Variants in RGS6 observed in about 807,000 individuals in gnomAD.
RGS6 encodes the protein regulator of G protein signaling 6, also known as regulator of G-protein signaling 6.
Under a neutral mutation model 78.5 loss-of-function variants are expected in RGS6, and 30 were observed. That is an observed-to-expected ratio of 0.38 (90% confidence interval 0.29 to 0.52). The LOEUF is 0.52. Ranked by LOEUF, RGS6 falls within the 20% of genes least tolerant of loss-of-function variation. The pLI, the probability that RGS6 is intolerant of heterozygous loss-of-function variation, is 0.85. For synonymous variants in RGS6, 206 were observed against 206.0 expected, an observed-to-expected ratio of 1.00 and a Z score of 0.00; for missense variants, 495 against 609.7, an observed-to-expected ratio of 0.81 and a Z score of 1.98.
chr14:72,576,139 C>T, the RGS6 span, among the ~76,000 whole-genome samples: 2 of 152,232 alleles, frequency 1.3e-5, no homozygotes, highest in Non-Finnish European at 2.9e-5. Flanking sequence ...TTGAGGAAAG[C>T]TCTCTTGTCA....
intron 2 of RGS6, among the ~76,000 whole-genome samples, chr14:72,322,726 A>G (rs1397421071): frequency 6.6e-6 from 1 of 152,150 alleles, no homozygotes; most frequent in Non-Finnish European, 1.5e-5. Context: ...TAAAAAAGTA[A>G]GACTATTTCA....
At chr14:72,386,113 T>C (rs1255994962) in intron 3 of RGS6, among the ~76,000 whole-genome samples, 2 of 152,172 alleles carry the variant, frequency 1.3e-5, no homozygotes, top group African/African-American at 4.8e-5. Context: ...CCCAGTGTCA[T>C]GGGCAGCAAA....
At chr14:72,075,306 GTTTCCTTA>G (rs2094537353) in intron 2 of RGS6, among the ~76,000 whole-genome samples, 1 of 152,080 alleles carries the variant, frequency 6.6e-6, no homozygotes, top group Admixed American at 6.5e-5. Flanking sequence ...TGAAGACTCG[GTTTCCTTA>G]TTTCCTATAT....
At chr14:72,314,153 G>A (rs1217409485) in intron 2 of RGS6, among the ~76,000 whole-genome samples, 1 of 152,186 alleles carries the variant, frequency 6.6e-6, no homozygotes, top group Non-Finnish European at 1.5e-5. Context: ...TCTCCAAGTA[G>A]CAGAAAGCCC....
chr14:72,139,931 C>T (rs564464257), intron 2 of RGS6, among the ~76,000 whole-genome samples: 8 of 152,122 alleles, frequency 5.3e-5, no homozygotes, highest in South Asian at 2.1e-4. Flanking sequence ...CTTTCTTTTT[C>T]CCACTTGACT....
chr14:72,377,891 T>C (rs2085161262), intron 3 of RGS6, among the ~76,000 whole-genome samples: 1 of 152,134 alleles, frequency 6.6e-6, no homozygotes, highest in Non-Finnish European at 1.5e-5. Context: ...GGTGGGAGGC[T>C]CTCTTGAGCC....
chr14:71,938,080 G>C (rs2089849123), intron 1 of RGS6, among the ~76,000 whole-genome samples: 1 of 152,172 alleles, frequency 6.6e-6, no homozygotes, highest in African/African-American at 2.4e-5. Flanking sequence ...GAAAGAGGCT[G>C]AGTGGTGTCC....
At chr14:72,105,592 C>T (rs1313306778) in intron 2 of RGS6, among the ~76,000 whole-genome samples, 1 of 151,642 alleles carries the variant, frequency 6.6e-6, no homozygotes, top group Non-Finnish European at 1.5e-5. Flanking sequence ...TTTTTTTCTT[C>T]CTAGGAAAGA....
chr14:72,040,974 GGTTT>G (rs141733613), intron 2 of RGS6, among the ~76,000 whole-genome samples: 17,679 of 151,780 alleles, frequency 0.12, 1,030 homozygotes, highest in East Asian at 0.17. Context: ...TTTTTTGGAT[GGTTT>G]ATTTTTTATT....
chr14:72,328,102 C>T (rs2074205469), intron 2 of RGS6, among the ~76,000 whole-genome samples: 1 of 152,024 alleles, frequency 6.6e-6, no homozygotes, highest in African/African-American at 2.4e-5. Context: ...GCTGGATGTC[C>T]CAGGTCAAGG....
the RGS6 span, among the ~76,000 whole-genome samples, chr14:72,624,120 A>G: frequency 2.0e-5 from 3 of 152,170 alleles, no homozygotes; most frequent in African/African-American, 4.8e-5. Context: ...CTAGAGAAAC[A>G]TCACACTATA....
At chr14:72,331,308 C>G (rs1006690524) in intron 2 of RGS6, among the ~76,000 whole-genome samples, 1 of 151,312 alleles carries the variant, frequency 6.6e-6, no homozygotes, top group Non-Finnish European at 1.5e-5. Flanking sequence ...CAGTGCGTAG[C>G]AGTTTGTTAG....
intron 2 of RGS6, among the ~76,000 whole-genome samples, chr14:72,099,954 A>C (rs1219078223): frequency 6.6e-6 from 1 of 152,044 alleles, no homozygotes; most frequent in Admixed American, 6.6e-5. Flanking sequence ...TAAACATGGG[A>C]ATGTCGTAAT....
intron 2 of RGS6, among the ~76,000 whole-genome samples, chr14:72,053,377 C>T (rs1291169809): frequency 4.0e-5 from 6 of 151,844 alleles, no homozygotes; most frequent in African/African-American, 7.3e-5. Context: ...CTCTGCCTCC[C>T]GAAGTGCTGG....
At chr14:72,187,401 G>T (rs2238250) in intron 2 of RGS6, among the ~76,000 whole-genome samples, 20,337 of 152,166 alleles carry the variant, frequency 0.13, 1,570 homozygotes, top group South Asian at 0.2. Flanking sequence ...GTCACAGGTG[G>T]TCTATTAGTA....
chr14:72,466,571 TGA>T (rs1212870805), intron 7 of RGS6, among the ~76,000 whole-genome samples: 15 of 152,276 alleles, frequency 9.9e-5, no homozygotes, highest in Non-Finnish European at 2.1e-4. Flanking sequence ...AATGAACTGT[TGA>T]TACACACAAC....
chr14:72,337,535 T>A (rs1001192236), intron 2 of RGS6, among the ~76,000 whole-genome samples: 1 of 151,924 alleles, frequency 6.6e-6, no homozygotes, highest in African/African-American at 2.4e-5. Flanking sequence ...GACAGCAACA[T>A]CCCCATCCAA....
chr14:72,586,757 C>T, the RGS6 span, among the ~76,000 whole-genome samples: 3 of 152,128 alleles, frequency 2.0e-5, no homozygotes, highest in Admixed American at 1.3e-4. Context: ...GCCTTGTCTG[C>T]CTTACCCATG....
the RGS6 span, among the ~76,000 whole-genome samples, chr14:72,608,231 A>ATAGAG: frequency 6.6e-6 from 1 of 152,164 alleles, no homozygotes; most frequent in Admixed American, 6.5e-5. Context: ...AGTACCTAGC[A>ATAGAG]TAGAGTAGAG....
Sources: gnomAD v4.1 joint callset for allele counts (sites outside exome capture counted in the v4.1 genomes callset) on GRCh38, gnomAD v4.1.1 for gene constraint, MANE v1.5 for transcripts, NCBI Gene and HGNC (gene_info 2026-07-23, HGNC 2026-07-21) for gene names.